The following CTNNA3 variants were observed in gnomAD, a reference collection of about 807,000 sequenced individuals.
The protein encoded by CTNNA3 is catenin alpha-3.
Under a neutral mutation model 95.7 loss-of-function variants are expected in CTNNA3, and 76 were observed. That is an observed-to-expected ratio of 0.79 (90% CI 0.66 to 0.96). CTNNA3 has a LOEUF of 0.96. CTNNA3 is among the 40% of genes least tolerant of loss of function. The probability of loss-of-function intolerance (pLI) is 0.00; values close to 1 mark genes in which losing one functional copy is unlikely to be tolerated. For synonymous variants in CTNNA3, 431 were observed against 374.4 expected (o/e 1.15, Z -1.74); for missense variants, 1,191 against 1,089.8 (o/e 1.09, Z -1.31).
intron 5 of CTNNA3, among the ~76,000 whole-genome samples, chr10:67,335,377 G>A (rs1262503851): frequency 6.6e-6 from 1 of 152,166 alleles, no homozygotes; most frequent in Non-Finnish European, 1.5e-5. Flanking sequence ...ATAAATTATT[G>A]TAAAATAAAT....
rs950241375 is a variant in CTNNA3, at chr10:65,914,952, C to G, written c.*5378G>C. ...GAGCAAGATTCTTATCCCATTTAAC[C>G]CTCAGCTTCCTTGTCTGTGGAATGA... On this transcript the variant is annotated 3_prime_UTR_variant, in exon 18 of 18. Transcript: ENST00000433211. 3.3e-5 allele frequency: 5 copies of G among 151,892 alleles called. No individual in the cohort carries two copies. Among genetic ancestry groups the G allele is most frequent in the African/African-American group, 1.2e-4 (5 of 41,322 alleles). 9.4% of individuals were successfully genotyped at this position (151,892 alleles called of 1,614,324 possible). A position where few individuals can be genotyped will look rare whatever the true frequency, so the allele number is the denominator to read the frequency against.
At chr10:66,535,464 A>G (rs995930609) in intron 10 of CTNNA3, among the ~76,000 whole-genome samples, 19 of 152,196 alleles carry the variant, frequency 1.2e-4, no homozygotes, top group Admixed American at 3.9e-4. Context: ...TAGATTGAGT[A>G]GTAGGACACA....
intron 15 of CTNNA3, among the ~76,000 whole-genome samples, chr10:66,064,178 G>A (rs1359383481): frequency 1.3e-5 from 2 of 152,060 alleles, no homozygotes; most frequent in Non-Finnish European, 2.9e-5. Flanking sequence ...AAGTGAAGGC[G>A]GAAGAGCCCC....
chr10:67,644,234 C>T (rs150860661), intron 2 of CTNNA3, among the ~76,000 whole-genome samples: 8,809 of 151,962 alleles, frequency 0.058, 357 homozygotes, highest in Middle Eastern at 0.12. Flanking sequence ...TTCTAACTGG[C>T]GTGAGATGGT....
At chr10:67,464,928 G>A (rs1847528062) in intron 5 of CTNNA3, among the ~76,000 whole-genome samples, 1 of 151,718 alleles carries the variant, frequency 6.6e-6, no homozygotes, top group East Asian at 2.0e-4. Context: ...AGGCTTCGGG[G>A]GAGAAAAGTT....
chr10:67,105,820 C>T (rs981354364), intron 7 of CTNNA3, among the ~76,000 whole-genome samples: 1 of 152,178 alleles, frequency 6.6e-6, no homozygotes, highest in Non-Finnish European at 1.5e-5. Context: ...ACACTTACAC[C>T]AGAGAGGTCT....
chr10:66,387,538 G>A lies in CTNNA3; in HGVS notation c.1532-8186C>T, dbSNP rs149988394. Among the ~76,000 whole-genome samples the A allele has an allele frequency of 6.4e-3, 967 of 152,208 alleles. 10 individuals carry two copies. The highest frequency in any genetic ancestry group is 0.022 in the African/African-American group (907 of 41,534). ...CAACCATTGTGGAAGATATTGTGGCGATTCCTCAAGGATCTAGAACTAGAA... is the reference window on the plus strand; with the variant it reads ...CAACCATTGTGGAAGATATTGTGGCAATTCCTCAAGGATCTAGAACTAGAA... On this transcript the variant is annotated intron_variant, in intron 11 of 17. Coordinates refer to ENST00000433211, the MANE Select transcript of CTNNA3 (RefSeq NM_013266.4).
intron 10 of CTNNA3, among the ~76,000 whole-genome samples, chr10:66,534,480 ATATATATATATATATATATATG>A (rs1253044595): frequency 0.13 from 546 of 4,144 alleles, 6 homozygotes; most frequent in African/African-American, 0.22. Flanking sequence ...ATATATATAT[ATATATATATATATATATATATG>A]TATATATATG....
chr10:67,596,217 T>C (rs1842928329), intron 3 of CTNNA3, among the ~76,000 whole-genome samples: 1 of 152,228 alleles, frequency 6.6e-6, no homozygotes, highest in Non-Finnish European at 1.5e-5. Flanking sequence ...AGTTGCTTTA[T>C]AGTGCATTGG....
At position 65,919,175 on chromosome 10, in the gene CTNNA3, G is replaced by A. The variant is rs768155679; in HGVS notation, c.*1155C>T. The A allele has an allele frequency of 2.6e-5, 4 of 152,096 alleles. No individual in the cohort carries two copies. The highest frequency in any genetic ancestry group is 4.1e-4 in the South Asian group (2 of 4,822). 9.4% of individuals were successfully genotyped at this position (152,096 alleles called of 1,614,324 possible). ...ATCAGGGGAGAGAAAAAGAGAGAGA[G>A]AATGACAGAGAGAGGTACACTAGAC... On this transcript the variant is annotated 3_prime_UTR_variant, in exon 18 of 18. Coordinates refer to ENST00000433211, the MANE Select transcript of CTNNA3 (RefSeq NM_013266.4).
chr10:67,282,880 A>G (rs1326541365), intron 5 of CTNNA3, among the ~76,000 whole-genome samples: 1 of 152,192 alleles, frequency 6.6e-6, no homozygotes, highest in African/African-American at 2.4e-5. Flanking sequence ...AAGGCTAGCC[A>G]TGAAAACTAG....
chr10:66,151,657 T>C (rs1390358914), intron 13 of CTNNA3, among the ~76,000 whole-genome samples: 3 of 151,940 alleles, frequency 2.0e-5, no homozygotes, highest in East Asian at 1.9e-4. Flanking sequence ...TATACTTGCC[T>C]CTGTTCTTCA....
At chr10:67,584,027 G>C (rs907306058) in intron 3 of CTNNA3, among the ~76,000 whole-genome samples, 2 of 152,118 alleles carry the variant, frequency 1.3e-5, no homozygotes, top group Admixed American at 1.3e-4. Context: ...GCTTGGAGAA[G>C]TTTGTTATTC....
At chr10:66,472,450 G>A (rs1176697544) in intron 11 of CTNNA3, among the ~76,000 whole-genome samples, 1 of 151,906 alleles carries the variant, frequency 6.6e-6, no homozygotes, top group African/African-American at 2.4e-5. Flanking sequence ...AGAAAACAAA[G>A]GTTAAAGCCA....
At chr10:67,138,021 C>T (rs940375759) in intron 7 of CTNNA3, among the ~76,000 whole-genome samples, 4 of 151,956 alleles carry the variant, frequency 2.6e-5, no homozygotes, top group Non-Finnish European at 5.9e-5. Flanking sequence ...ATCCTCCAGG[C>T]ATGGACATTT....
At chr10:66,748,885 C>G (rs149290720) in intron 9 of CTNNA3, among the ~76,000 whole-genome samples, 1 of 151,742 alleles carries the variant, frequency 6.6e-6, no homozygotes, top group Non-Finnish European at 1.5e-5. Flanking sequence ...TAAAGATTTT[C>G]TCCTAGGTTG....
intron 9 of CTNNA3, among the ~76,000 whole-genome samples, chr10:66,653,663 T>G (rs1845983905): frequency 6.6e-6 from 1 of 151,924 alleles, no homozygotes. Context: ...TGAGCCAAAA[T>G]AACACAATCA....
chr10:67,204,176 T>A (rs1295124638), intron 6 of CTNNA3, among the ~76,000 whole-genome samples: 1 of 152,148 alleles, frequency 6.6e-6, no homozygotes, highest in East Asian at 1.9e-4. Context: ...TTCCTGCTGA[T>A]ATGGTTTGGA....
chr10:67,519,567 T>C (rs1839920767), intron 5 of CTNNA3, among the ~76,000 whole-genome samples: 1 of 152,134 alleles, frequency 6.6e-6, no homozygotes, highest in Non-Finnish European at 1.5e-5. Context: ...GGTTCTTTGT[T>C]CATAGCAACA....
Sources: allele counts gnomAD v4.1 joint callset (sites outside exome capture counted in the v4.1 genomes callset), GRCh38; gene constraint gnomAD v4.1.1; transcripts MANE v1.5; gene names NCBI Gene and HGNC (gene_info 2026-07-23, HGNC 2026-07-21).